Variants in ZNF114 observed in about 807,000 individuals in gnomAD.
ZNF114 encodes the protein zinc finger protein 114, also known as zinc finger protein 114 (Y18).
ZNF114 carries 8 observed loss-of-function variants against 6.8 expected under a neutral mutation model. The observed-to-expected ratio is 1.18, with a 90% CI of 0.69 to 2.13. The LOEUF (loss-of-function observed/expected upper bound fraction) is 2.13. Ranked by LOEUF, ZNF114 falls within the 30% of genes most tolerant of loss-of-function variation. The pLI is 0.00. For missense variants in ZNF114, 472 were observed against 519.5 expected, an observed-to-expected ratio of 0.91 and a Z score of 0.89; for synonymous variants, 169 against 185.5, an observed-to-expected ratio of 0.91 and a Z score of 0.72.
chr19:48,283,795 G>A (rs562329061), intron 5 of ZNF114, among the ~76,000 whole-genome samples: 150 of 151,468 alleles, frequency 9.9e-4, no homozygotes, highest in Non-Finnish European at 1.8e-3. Context: ...GTGCAGTGGC[G>A]CGATCTCGGC....
intron 3 of ZNF114, among the ~76,000 whole-genome samples, chr19:48,278,124 C>G (rs1967897524): frequency 6.6e-6 from 1 of 152,012 alleles, no homozygotes; most frequent in African/African-American, 2.4e-5. Context: ...TTAGTAGAGA[C>G]AGGGTTTCGC....
chr19:48,279,181 G>A (rs1967924505), intron 3 of ZNF114, among the ~76,000 whole-genome samples: 1 of 151,214 alleles, frequency 6.6e-6, no homozygotes, highest in African/African-American at 2.4e-5. Context: ...TGCTGCTTGA[G>A]GCCAGGAATT....
In ZNF114 at chr19:48,279,750, T is replaced by C. The variant is rs776598628; in HGVS notation, c.-50T>C. 1.7e-5 allele frequency: 28 copies of C among 1,613,652 alleles called. No homozygotes were observed. The highest frequency in any genetic ancestry group is 2.7e-5 in the African/African-American group (2 of 74,900). On this transcript the variant is annotated 5_prime_UTR_variant, in exon 4 of 6. Transcript: ENST00000595607. ...CCCAAGCTCTGCCTCACCTGCCTCC[T>C]TGAAGGAAACACGGGGAAGCCAGGA...
rs1337978473 is a variant in ZNF114 at position 48,286,815 on chromosome 19, TG to T, written c.1192del (p.Ala398GlnfsTer32). ...AATGTAAGACATGTGGAAAAGACTT[TG>T]CAAAGTCGTCAGGACTTAAAAAACA... is the stretch of plus-strand genomic sequence containing the variant. ...YKCKTCGKDF[A>X]KSSGLKKHLK... On this transcript the variant is annotated frameshift_variant, in exon 6 of 6. Transcript: ENST00000595607. LOFTEE classifies it low-confidence loss of function (END_TRUNC). The T allele has an allele frequency of 6.2e-7, 1 of 1,600,508 alleles. No individual in the cohort carries two copies. The highest frequency in any genetic ancestry group is 8.5e-7 in the Non-Finnish European group (1 of 1,176,446).
chr19:48,272,118 G>T (rs1967674545), intron 3 of ZNF114, among the ~76,000 whole-genome samples: 2 of 152,288 alleles, frequency 1.3e-5, no homozygotes, highest in African/African-American at 4.8e-5. Context: ...ATCCATGAAA[G>T]TATTGGAGCT....
chr19:48,280,471 G>A (rs1415457008), intron 4 of ZNF114, among the ~76,000 whole-genome samples: 1 of 152,004 alleles, frequency 6.6e-6, no homozygotes, highest in Non-Finnish European at 1.5e-5. Context: ...TTTATGGAGC[G>A]GGCAGTGGCA....
intron 5 of ZNF114, among the ~76,000 whole-genome samples, chr19:48,283,085 G>A (rs556548900): frequency 1.3e-5 from 2 of 151,970 alleles, no homozygotes; most frequent in East Asian, 1.9e-4. Context: ...GCACCATCTC[G>A]GCTCACTGCA....
chr19:48,274,234 G>A (rs985120882), intron 3 of ZNF114, among the ~76,000 whole-genome samples: 14 of 150,988 alleles, frequency 9.3e-5, no homozygotes, highest in African/African-American at 2.7e-4. Context: ...TTTTGAGTCC[G>A]CAATTCATTG....
chr19:48,282,715 ATTTT>A (rs1968024305), intron 5 of ZNF114, among the ~76,000 whole-genome samples: 1 of 124,120 alleles, frequency 8.1e-6, no homozygotes, highest in Admixed American at 8.2e-5. Context: ...ATTTTATTTT[ATTTT>A]ATTTATTTTT....
At chr19:48,278,914 G>A (rs1404421041) in intron 3 of ZNF114, among the ~76,000 whole-genome samples, 1 of 151,914 alleles carries the variant, frequency 6.6e-6, no homozygotes, top group African/African-American at 2.4e-5. Flanking sequence ...CTGCACTCCA[G>A]CCTGGGCAAC....
intron 3 of ZNF114, among the ~76,000 whole-genome samples, chr19:48,275,907 G>A (rs1471093308): frequency 2.4e-4 from 35 of 148,842 alleles, no homozygotes; most frequent in African/African-American, 7.7e-4. Flanking sequence ...GGGTGAACCC[G>A]GGAGGCAGAG....
chr19:48,282,527 C>T (rs1440428291), intron 5 of ZNF114, 30 bp downstream of exon 5: 14 of 1,594,526 alleles, frequency 8.8e-6, no homozygotes, highest in Admixed American at 3.4e-5. Flanking sequence ...GCACTTAGTC[C>T]GTGATGGGAC....
rs141810440 is a variant in ZNF114, at chr19:48,283,206, G to A, written c.136+709G>A. Reference sequence around the variant, plus strand: ...AATGCATTACATTTTTATTCTCTTCGTGATTGAACAGAATTTGGGGGATCC... The same window carrying A: ...AATGCATTACATTTTTATTCTCTTCATGATTGAACAGAATTTGGGGGATCC... On this transcript the variant is annotated intron_variant, in intron 5 of 5. Transcript: ENST00000595607. Among the ~76,000 whole-genome samples, 54 of 152,184 alleles carry A rather than the reference G, an allele frequency of 3.5e-4. 1 individual carries two copies. In the East Asian group the frequency reaches 8.5e-3, roughly 24 times the overall value.
At chr19:48,276,267 C>T (rs937712454) in intron 3 of ZNF114, among the ~76,000 whole-genome samples, 6 of 151,448 alleles carry the variant, frequency 4.0e-5, no homozygotes, top group African/African-American at 9.7e-5. Flanking sequence ...TTAGTAGAGA[C>T]GGGGTTTCTC....
Position 48,275,993 on chromosome 19 carries a change from A to AG in ZNF114, c.-69-3737dup, listed in dbSNP as rs1410458345. 1.3e-5 allele frequency among the ~76,000 whole-genome samples: 2 copies of AG among 150,940 alleles called. 1 individual carries two copies. Among genetic ancestry groups the AG allele is most frequent in the Non-Finnish European group, 3.0e-5 (2 of 67,698 alleles). Reference sequence around the variant, plus strand: ...TGAGACTCCATCTCAAAAAAAAAAAAGCTATAATGGCTGTTTGTCCCTGTA... The same window carrying AG: ...TGAGACTCCATCTCAAAAAAAAAAAAGGCTATAATGGCTGTTTGTCCCTGTA... On this transcript the variant is annotated intron_variant, in intron 3 of 5. Transcript: ENST00000595607.
intron 3 of ZNF114, 34 bp from the exon 4 acceptor site, chr19:48,279,697 G>A (rs1302117143): frequency 6.7e-7 from 1 of 1,490,050 alleles, no homozygotes. Flanking sequence ...AAGGCAGGGT[G>A]CCTGGATTCT....
intron 5 of ZNF114, among the ~76,000 whole-genome samples, chr19:48,283,625 A>G (rs1968047078): frequency 6.6e-6 from 1 of 152,204 alleles, no homozygotes; most frequent in African/African-American, 2.4e-5. Context: ...CCACTGAGAC[A>G]GCAGGGTTTG....
chr19:48,281,305 G>A (rs34379530), intron 4 of ZNF114, among the ~76,000 whole-genome samples: 6,147 of 152,132 alleles, frequency 0.04, 229 homozygotes, highest in Middle Eastern at 0.14. Flanking sequence ...CTGGAAGTCC[G>A]AGATCAAAAT....
intron 3 of ZNF114, among the ~76,000 whole-genome samples, chr19:48,274,478 A>T (rs892689117): frequency 2.7e-5 from 2 of 73,840 alleles, no homozygotes; most frequent in Non-Finnish European, 5.7e-5. Context: ...ATAGAAAAAA[A>T]CTTTTATATA....
Sources: gnomAD v4.1 joint callset for allele counts (sites outside exome capture counted in the v4.1 genomes callset) on GRCh38, gnomAD v4.1.1 for gene constraint, MANE v1.5 for transcripts, NCBI Gene and HGNC (gene_info 2026-07-23, HGNC 2026-07-21) for gene names.